The following XIRP2 variants were observed in gnomAD, a reference collection of about 807,000 sequenced individuals.
XIRP2 encodes xin actin-binding repeat-containing protein 2.
A neutral mutation model predicts 277.0 loss-of-function variants in XIRP2; 236 were observed. The observed-to-expected ratio is 0.85, with a 90% CI of 0.77 to 0.95. The LOEUF is 0.95. Ranked by LOEUF, XIRP2 falls within the 40% of genes least tolerant of loss-of-function variation. XIRP2 has a pLI of 0.00. For missense variants in XIRP2, 4,640 were observed against 4,157.5 expected (o/e 1.12, Z -3.19); for synonymous variants, 1,490 against 1,416.5 (o/e 1.05, Z -1.17).
At chr2:166,915,299 C>CAAAAAAAA (rs993808427) in intron 2 of XIRP2, among the ~76,000 whole-genome samples, 5 of 40,108 alleles carry the variant, frequency 1.2e-4, no homozygotes, top group African/African-American at 3.8e-4. Context: ...GACTCCGTCT[C>CAAAAAAAA]AAAAAAAAAA....
chr2:167,180,160 T>C (rs1368894209), intron 3 of XIRP2, among the ~76,000 whole-genome samples: 1 of 152,224 alleles, frequency 6.6e-6, no homozygotes, highest in Non-Finnish European at 1.5e-5. Flanking sequence ...TTCATTACTT[T>C]TTAATCTTTA....
rs375721929 is a variant in XIRP2 at position 167,083,449 on chromosome 2, A to G, written c.409-52460A>G. Among the ~76,000 whole-genome samples, 14 of 152,308 alleles carry G rather than the reference A, an allele frequency of 9.2e-5. No individual in the cohort carries two copies. The East Asian group carries it at 1.4e-3, about 15-fold the overall frequency. On this transcript the variant is annotated intron_variant, in intron 2 of 10. Transcript: ENST00000409195. ...CGGGCTCTTTTTCGGTTCCATATGA[A>G]CATTATAGTAGTTTTTTCCAATTCT...
At chr2:167,192,535 G>A (rs1693379315) in intron 3 of XIRP2, among the ~76,000 whole-genome samples, 1 of 152,180 alleles carries the variant, frequency 6.6e-6, no homozygotes, top group Non-Finnish European at 1.5e-5. Flanking sequence ...TTTGGTTTGT[G>A]TCTTGCAAGT....
At chr2:167,073,155 A>G (rs1246134084) in intron 2 of XIRP2, among the ~76,000 whole-genome samples, 6 of 152,116 alleles carry the variant, frequency 3.9e-5, no homozygotes, top group African/African-American at 1.4e-4. Flanking sequence ...GATTTGAATT[A>G]TTGTTTCAAA....
At chr2:167,219,528 A>C (rs950674492) in intron 5 of XIRP2, among the ~76,000 whole-genome samples, 2 of 152,216 alleles carry the variant, frequency 1.3e-5, no homozygotes, top group Non-Finnish European at 2.9e-5. Flanking sequence ...CTGGGTTTAC[A>C]CACCACCTCT....
At chr2:167,021,425 C>A (rs925902009) in intron 2 of XIRP2, among the ~76,000 whole-genome samples, 1 of 152,106 alleles carries the variant, frequency 6.6e-6, no homozygotes, top group East Asian at 1.9e-4. Context: ...TATAGCACTA[C>A]ACGTGCAAAA....
chr2:166,975,151 GAAGTA>G (rs1249833554), intron 2 of XIRP2, among the ~76,000 whole-genome samples: 1 of 152,074 alleles, frequency 6.6e-6, no homozygotes, highest in Non-Finnish European at 1.5e-5. Flanking sequence ...TAAAATACAT[GAAGTA>G]GAGACTGACA....
chr2:166,982,198 T>A (rs1469933096), intron 2 of XIRP2, among the ~76,000 whole-genome samples: 1 of 152,058 alleles, frequency 6.6e-6, no homozygotes, highest in Non-Finnish European at 1.5e-5. Context: ...TTATTTCTGA[T>A]AAAGAGATAT....
At chr2:167,032,647 A>T (rs1299734745) in intron 2 of XIRP2, among the ~76,000 whole-genome samples, 4 of 152,174 alleles carry the variant, frequency 2.6e-5, no homozygotes, top group Non-Finnish European at 5.9e-5. Flanking sequence ...ATATGAATAG[A>T]CACTTCTCAA....
At chr2:166,895,613 C>T (rs1474405457) in intron 1 of XIRP2, among the ~76,000 whole-genome samples, 1 of 152,170 alleles carries the variant, frequency 6.6e-6, no homozygotes, top group Non-Finnish European at 1.5e-5. Context: ...CTGCCACCTA[C>T]GTAGTCCCTT....
intron 2 of XIRP2, among the ~76,000 whole-genome samples, chr2:166,934,604 G>T (rs989469161): frequency 2.0e-5 from 3 of 152,170 alleles, no homozygotes; most frequent in Non-Finnish European, 2.9e-5. Context: ...TGTTACCTAT[G>T]AACATAAAAT....
intron 2 of XIRP2, among the ~76,000 whole-genome samples, chr2:167,085,382 A>G (rs990548083): frequency 6.7e-6 from 1 of 150,252 alleles, no homozygotes; most frequent in Admixed American, 6.6e-5. Flanking sequence ...CAATTTTGGA[A>G]TAGGTGTGGT....
chr2:166,910,597 T>A (rs941524487), intron 2 of XIRP2, among the ~76,000 whole-genome samples: 1 of 152,188 alleles, frequency 6.6e-6, no homozygotes, highest in African/African-American at 2.4e-5. Context: ...AAGGGTTTTT[T>A]GTGTCTCTAT....
chr2:167,026,118 G>C (rs1429724540), intron 2 of XIRP2, among the ~76,000 whole-genome samples: 2 of 152,250 alleles, frequency 1.3e-5, no homozygotes, highest in East Asian at 3.9e-4. Flanking sequence ...CTCAGGACTT[G>C]CTTTATGAAT....
At chr2:167,034,539 C>G (rs533659555) in intron 2 of XIRP2, among the ~76,000 whole-genome samples, 2 of 151,074 alleles carry the variant, frequency 1.3e-5, no homozygotes, top group Admixed American at 6.6e-5. Flanking sequence ...TTGTTGCCTT[C>G]AAGAAACATA....
intron 2 of XIRP2, among the ~76,000 whole-genome samples, chr2:167,066,798 G>A (rs1429202907): frequency 3.3e-5 from 5 of 152,104 alleles, no homozygotes; most frequent in African/African-American, 7.2e-5. Flanking sequence ...ATATGATTTA[G>A]CATTAAAAGC....
At chr2:167,104,511 A>G (rs1005408977) in intron 2 of XIRP2, among the ~76,000 whole-genome samples, 2 of 152,132 alleles carry the variant, frequency 1.3e-5, no homozygotes, top group African/African-American at 4.8e-5. Context: ...CTAAAATAAA[A>G]TACTGGCCTG....
At chr2:167,071,949 AC>A (rs1689448256) in intron 2 of XIRP2, among the ~76,000 whole-genome samples, 1 of 152,196 alleles carries the variant, frequency 6.6e-6, no homozygotes, top group Non-Finnish European at 1.5e-5. Context: ...TGGGGAGATA[AC>A]CTTGCTCATA....
chr2:167,191,217 G>GAAAGA (rs376744900), intron 3 of XIRP2, among the ~76,000 whole-genome samples: 2,896 of 148,142 alleles, frequency 0.02, 93 homozygotes, highest in African/African-American at 0.064. Context: ...AAGAAAGAAA[G>GAAAGA]AAAGAAAAGA....
Sources: allele counts gnomAD v4.1 joint callset (sites outside exome capture counted in the v4.1 genomes callset), GRCh38; gene constraint gnomAD v4.1.1; transcripts MANE v1.5; gene names NCBI Gene and HGNC (gene_info 2026-07-23, HGNC 2026-07-21).